RBFOX2: variants seen among roughly 807,000 people sequenced by gnomAD.
RBFOX2 encodes RNA binding protein fox-1 homolog 2.
A neutral mutation model predicts 49.1 loss-of-function variants in RBFOX2; 10 were observed. The observed-to-expected ratio is 0.20, with a 90% CI of 0.13 to 0.35. RBFOX2 has a LOEUF of 0.35. Among genes scored for constraint, RBFOX2 ranks in the 10% least tolerant of loss-of-function variants. The probability of loss-of-function intolerance (pLI) is 1.00; values close to 1 mark genes in which losing one functional copy is unlikely to be tolerated. For synonymous variants in RBFOX2, 183 were observed against 187.4 expected (o/e 0.98, Z 0.19); for missense variants, 323 against 486.9 (o/e 0.66, Z 3.17).
At chr22:35,840,632 G>A (rs1394765425), upstream of RBFOX2, 8 of 468,492 alleles carry the variant, frequency 1.7e-5, no homozygotes, top group Admixed American at 8.6e-5. Context: ...GCGTGTGTGC[G>A]TGTGTGTGTG....
chr22:35,931,546 G>A (rs890734281), intron 1 of RBFOX2, among the ~76,000 whole-genome samples: 1 of 151,992 alleles, frequency 6.6e-6, no homozygotes, highest in African/African-American at 2.4e-5. Flanking sequence ...AGGTTGAGGC[G>A]GGTGGAACGC....
At chr22:35,924,074 T>A (rs5755994) in intron 1 of RBFOX2, among the ~76,000 whole-genome samples, 11,784 of 152,238 alleles carry the variant, frequency 0.077, 476 homozygotes, top group South Asian at 0.086. Context: ...AATGACTTAA[T>A]CCCTTTGAGC....
intron 2 of RBFOX2, among the ~76,000 whole-genome samples, chr22:35,793,932 TG>T (rs1948267896): frequency 6.6e-6 from 1 of 152,224 alleles, no homozygotes; most frequent in Non-Finnish European, 1.5e-5. Context: ...ATATGTAACA[TG>T]ATCATGTACT....
At chr22:35,933,932 A>ATT (rs1450738164) in intron 1 of RBFOX2, among the ~76,000 whole-genome samples, 73 of 117,964 alleles carry the variant, frequency 6.2e-4, no homozygotes, top group African/African-American at 2.4e-3. Context: ...AATGTTATAT[A>ATT]TATATATATA....
chr22:35,862,047 T>C (rs1015229901), intron 1 of RBFOX2, among the ~76,000 whole-genome samples: 3 of 152,178 alleles, frequency 2.0e-5, no homozygotes, highest in Non-Finnish European at 4.4e-5. Context: ...TATGAGTCCA[T>C]TTTTATACAA....
At chr22:35,810,618 CACTA>C (rs556444991) in intron 1 of RBFOX2, among the ~76,000 whole-genome samples, 6 of 152,168 alleles carry the variant, frequency 3.9e-5, no homozygotes, top group South Asian at 4.2e-4. Context: ...TGCTCAACCT[CACTA>C]ACTGTCACGA....
At chr22:35,889,805 T>TA (rs1334186397) in intron 1 of RBFOX2, among the ~76,000 whole-genome samples, 2 of 152,074 alleles carry the variant, frequency 1.3e-5, no homozygotes. Flanking sequence ...GTAGAGCAAT[T>TA]AGAGTGGCAA....
intron 1 of RBFOX2, among the ~76,000 whole-genome samples, chr22:35,812,968 CA>C (rs1352453164): frequency 3.3e-5 from 5 of 152,188 alleles, no homozygotes; most frequent in African/African-American, 1.2e-4. Context: ...ACATTTCCTG[CA>C]ATCCACTTGT....
chr22:35,849,631 A>C (rs1385296537), intron 1 of RBFOX2, among the ~76,000 whole-genome samples: 1 of 152,124 alleles, frequency 6.6e-6, no homozygotes, highest in Non-Finnish European at 1.5e-5. Context: ...AAAGGGAAAA[A>C]ATCTTCAGAT....
chr22:35,796,350 T>C (rs1948775688), intron 2 of RBFOX2, among the ~76,000 whole-genome samples: 1 of 152,214 alleles, frequency 6.6e-6, no homozygotes, highest in African/African-American at 2.4e-5. Flanking sequence ...GTAAATAACA[T>C]ATTTTAAAGA....
chr22:35,853,963 C>A (rs2042231776), intron 1 of RBFOX2, among the ~76,000 whole-genome samples: 1 of 152,100 alleles, frequency 6.6e-6, no homozygotes, highest in Non-Finnish European at 1.5e-5. Context: ...GTAATCTCAG[C>A]ACTTTGGGAG....
chr22:36,024,707 C>T (rs1458288319), intron 1 of RBFOX2, among the ~76,000 whole-genome samples: 1 of 151,744 alleles, frequency 6.6e-6, no homozygotes, highest in Non-Finnish European at 1.5e-5. Context: ...AGCCACTGCA[C>T]TCCAGCCTGG....
At chr22:35,917,262 G>C (rs976839257) in intron 1 of RBFOX2, among the ~76,000 whole-genome samples, 1 of 152,202 alleles carries the variant, frequency 6.6e-6, no homozygotes, top group African/African-American at 2.4e-5. Flanking sequence ...TCTCAGTATG[G>C]AACTACTACC....
At chr22:35,877,986 T>C (rs1474772353) in intron 1 of RBFOX2, among the ~76,000 whole-genome samples, 1 of 150,562 alleles carries the variant, frequency 6.6e-6, no homozygotes, top group East Asian at 1.9e-4. Context: ...AGGAGACAGG[T>C]GGGAAAAAAA....
intron 1 of RBFOX2, among the ~76,000 whole-genome samples, chr22:36,021,634 A>G (rs943685233): frequency 5.3e-5 from 8 of 152,324 alleles, no homozygotes; most frequent in Non-Finnish European, 1.0e-4. Flanking sequence ...CTTTCCCCTC[A>G]GAGTCCCTAA....
At chr22:36,016,021 G>A (rs998635228) in intron 1 of RBFOX2, among the ~76,000 whole-genome samples, 8 of 152,026 alleles carry the variant, frequency 5.3e-5, no homozygotes, top group South Asian at 2.1e-4. Flanking sequence ...GGGCCATCCA[G>A]GAGTCCCAAC....
chr22:35,924,339 G>A (rs2051370873), intron 1 of RBFOX2, among the ~76,000 whole-genome samples: 1 of 152,198 alleles, frequency 6.6e-6, no homozygotes, highest in Non-Finnish European at 1.5e-5. Flanking sequence ...GCTTGTGAGA[G>A]CACAGGCTAA....
chr22:35,746,122 C>T, intron 10 of RBFOX2, 127 bp from the exon 13 acceptor site: 4 of 836,246 alleles, frequency 4.8e-6, no homozygotes, highest in Non-Finnish European at 5.8e-6. Flanking sequence ...ACTGGAATTA[C>T]AAGGAATAGG....
intron 9 of RBFOX2, among the ~76,000 whole-genome samples, chr22:35,750,781 G>A (rs953169996): frequency 2.6e-5 from 4 of 152,154 alleles, no homozygotes; most frequent in African/African-American, 4.8e-5. Flanking sequence ...GTCAACAACC[G>A]TATATTCTAA....
Sources: allele counts gnomAD v4.1 joint callset (sites outside exome capture counted in the v4.1 genomes callset), GRCh38; gene constraint gnomAD v4.1.1; transcripts MANE v1.5; gene names NCBI Gene and HGNC (gene_info 2026-07-23, HGNC 2026-07-21).